The following DNAH9 variants were observed in gnomAD, a reference collection of about 807,000 sequenced individuals.
DNAH9 encodes the protein DNAH9 variant protein.
DNAH9 carries 345 observed loss-of-function variants against 471.6 expected under a neutral mutation model. The ratio of observed to expected loss-of-function variants is 0.73; its 90% CI spans 0.67 to 0.80. The LOEUF (loss-of-function observed/expected upper bound fraction) is 0.80. DNAH9 is among the 30% of genes least tolerant of loss of function. The pLI is 0.00. For missense variants in DNAH9, 5,407 were observed against 5,609.2 expected (o/e 0.96, Z 1.15); for synonymous variants, 2,093 against 2,123.6 (o/e 0.99, Z 0.40).
chr17:11,897,749 A>G (rs1973264985), intron 59 of DNAH9, among the ~76,000 whole-genome samples: 1 of 152,230 alleles, frequency 6.6e-6, no homozygotes, highest in Non-Finnish European at 1.5e-5. Flanking sequence ...TCGTCGTAAT[A>G]CCTTTCTTAG....
intron 68 of DNAH9, among the ~76,000 whole-genome samples, chr17:11,968,910 G>C (rs556572263): frequency 6.6e-6 from 1 of 152,280 alleles, no homozygotes; most frequent in Non-Finnish European, 1.5e-5. Context: ...AAAAGCTAAA[G>C]CATTTACTGG....
At chr17:11,622,860 G>A (rs1486519332) in intron 6 of DNAH9, among the ~76,000 whole-genome samples, 2 of 152,072 alleles carry the variant, frequency 1.3e-5, no homozygotes, top group Admixed American at 6.5e-5. Context: ...GTGTCACCAA[G>A]CTCCCTGCCT....
intron 27 of DNAH9, chr17:11,723,312 G>A (rs545315465): frequency 6.6e-6 from 1 of 152,332 alleles, no homozygotes; most frequent in South Asian, 2.1e-4. Flanking sequence ...GTTACTTCAT[G>A]TCCTTCCTTC....
At chr17:11,818,792 T>C (rs1970201270) in intron 45 of DNAH9, among the ~76,000 whole-genome samples, 1 of 152,024 alleles carries the variant, frequency 6.6e-6, no homozygotes, top group South Asian at 2.1e-4. Context: ...CATTCTTACC[T>C]CCCTCAGTCT....
chr17:11,654,355 C>CAATAAAAAAAAAAAA (rs2073587060), intron 14 of DNAH9, among the ~76,000 whole-genome samples: 1 of 11,258 alleles, frequency 8.9e-5, no homozygotes, highest in African/African-American at 1.2e-4. Flanking sequence ...GACTCCGTCT[C>CAATAAAAAAAAAAAA]AAAAAAAAAA....
intron 68 of DNAH9, among the ~76,000 whole-genome samples, chr17:11,964,861 C>G (rs1034515963): frequency 2.6e-5 from 4 of 151,902 alleles, no homozygotes; most frequent in African/African-American, 4.8e-5. Context: ...CCCACCCCCC[C>G]ACAAAAAAAC....
chr17:11,602,816 A>G (rs528707829), intron 1 of DNAH9, among the ~76,000 whole-genome samples: 3 of 151,812 alleles, frequency 2.0e-5, no homozygotes, highest in African/African-American at 2.4e-5. Context: ...CACCAACCTC[A>G]TTGTCCAATT....
Position 11,732,635 on chromosome 17 carries a change from T to C in DNAH9, c.5814+4713T>C, listed in dbSNP as rs1175858224. Among the ~76,000 whole-genome samples the C allele has an allele frequency of 1.4e-4, 10 of 73,232 alleles. No individual in the cohort carries two copies. In the Admixed American group the frequency reaches 2.1e-3, roughly 15 times the overall value. 48.0% of individuals were successfully genotyped at this position (73,232 alleles called of 152,430 possible). A position where few individuals can be genotyped will look rare whatever the true frequency, so the allele number is the denominator to read the frequency against. On this transcript the variant is annotated intron_variant, in intron 28 of 68. Coordinates refer to ENST00000262442, the MANE Select transcript of DNAH9 (RefSeq NM_001372.4). Reference sequence around the variant, plus strand: ...CATAGCCACTTGGGAAAAACACCAGTGTGTCAATTCCAAAAAAAAATTACT... The same window carrying C: ...CATAGCCACTTGGGAAAAACACCAGCGTGTCAATTCCAAAAAAAAATTACT...
chr17:11,941,576 G>A (rs1450991578), intron 66 of DNAH9, among the ~76,000 whole-genome samples: 2 of 152,120 alleles, frequency 1.3e-5, no homozygotes, highest in African/African-American at 2.4e-5. Flanking sequence ...TTTGTGTGGG[G>A]AAAAGAATCG....
At chr17:11,810,124 C>T in intron 44 of DNAH9, 122 bp from the exon 45 acceptor site, 2 of 1,239,840 alleles carry the variant, frequency 1.6e-6, no homozygotes, top group South Asian at 3.3e-5. Flanking sequence ...TTCCCATTGT[C>T]ACCTTACTTT....
At position 11,962,821 on chromosome 17, in the gene DNAH9, G is replaced by A. The variant is rs1597896203; in HGVS notation, c.13233+565G>A. On this transcript the variant is annotated intron_variant, in intron 68 of 68. Coordinates refer to ENST00000262442, the MANE Select transcript of DNAH9 (RefSeq NM_001372.4). This position sits in a 1 kb window ranked among gnomAD's most constrained non-coding sequence, Gnocchi z 4.1. Reference sequence around the variant, plus strand: ...TTTCCACATTCATGAGCTCTCAAAGGGCAGGAATCTTCTGCCTTTTATGTT... The same window carrying A: ...TTTCCACATTCATGAGCTCTCAAAGAGCAGGAATCTTCTGCCTTTTATGTT... Among the ~76,000 whole-genome samples the A allele has an allele frequency of 6.6e-6, 1 of 152,026 alleles. No individual in the cohort carries two copies. The highest frequency in any genetic ancestry group is 1.5e-5 in the Non-Finnish European group (1 of 68,018).
At position 11,797,691 on chromosome 17, in the gene DNAH9, C is replaced by T; in HGVS notation, c.8318C>T (p.Ser2773Phe). 1 of 1,614,194 alleles carries T rather than the reference C, an allele frequency of 6.2e-7. No individual in the cohort carries two copies. Among genetic ancestry groups the T allele is most frequent in the Non-Finnish European group, 8.5e-7 (1 of 1,180,028 alleles). Reference protein sequence around the residue: ...IGEPKYMPVQSWELLTQTLVE... With the variant: ...IGEPKYMPVQFWELLTQTLVE... ...GAGCCCAAATACATGCCTGTACAGT[C>T]TTGGGAACTTTTGACCCAGACTCTG... Residue 2773 changes from serine to phenylalanine, a missense_variant, in exon 43 of 69, where the codon TCT becomes TTT. Transcript: ENST00000262442.
rs749338008 is a variant in DNAH9 at position 11,598,736 on chromosome 17, G to T, written c.238G>T (p.Gly80Cys). ...GCTGGTGGTGCGGCCCGGGCCCAGG[G>T]GCCTGGCAATACGCCCCGGGCTGGA... Reference protein sequence around the residue: ...PLLVVRPGPRGLAIRPGLEVG... With the variant: ...PLLVVRPGPRCLAIRPGLEVG... Residue 80 changes from glycine to cysteine, a missense_variant, in exon 1 of 69, where the codon GGC becomes TGC. Transcript: ENST00000262442. 2.8e-6 allele frequency: 4 copies of T among 1,408,822 alleles called. No individual in the cohort carries two copies. The Admixed American group carries it at 1.3e-4, about 45-fold the overall frequency. The allele number at this position is 1,408,822 out of a possible 1,614,324, so 87.3% of individuals were successfully genotyped here. A position where few individuals can be genotyped will look rare whatever the true frequency, so the allele number is the denominator to read the frequency against.
At chr17:11,696,217 C>A (rs142447246) in intron 22 of DNAH9, among the ~76,000 whole-genome samples, 1 of 152,174 alleles carries the variant, frequency 6.6e-6, no homozygotes, top group African/African-American at 2.4e-5. Context: ...CTTTCATACA[C>A]AAAAGGTAGC....
intron 61 of DNAH9, among the ~76,000 whole-genome samples, chr17:11,920,031 C>CTTTTTTT (rs1974085176): frequency 8.1e-6 from 1 of 123,300 alleles, no homozygotes; most frequent in Non-Finnish European, 1.7e-5. Flanking sequence ...GAGCTAAGTT[C>CTTTTTTT]TTTCTTTTTT....
At chr17:11,648,117 A>C (rs2073429631) in intron 12 of DNAH9, among the ~76,000 whole-genome samples, 2 of 152,188 alleles carry the variant, frequency 1.3e-5, no homozygotes, top group Admixed American at 1.3e-4. Context: ...AATATTACTC[A>C]GGTTGAAAAA....
rs765773823 is a variant in DNAH9 at position 11,640,381 on chromosome 17, A to G, written c.1898A>G (p.His633Arg). 1.2e-5 allele frequency: 19 copies of G among 1,592,788 alleles called. No individual in the cohort carries two copies. In the South Asian group the frequency reaches 1.9e-4, roughly 16 times the overall value. The change falls in exon 10 of 69, where the codon CAC (histidine) becomes CGC (arginine). Residue 633 changes from histidine (H) to arginine (R), a missense_variant. Coordinates refer to ENST00000262442, the MANE Select transcript of DNAH9 (RefSeq NM_001372.4). Reference protein sequence around the residue: ...GPFSNFGRITHPCMESAEGKR... With the variant: ...GPFSNFGRITRPCMESAEGKR... The stretch of plus-strand genomic sequence containing the variant: ...TTCAGCAACTTTGGACGCATCACAC[A>G]CCCGTGAGTATTGTGTTCCTGAAAG...
At chr17:11,603,127 C>T (rs535991119) in intron 1 of DNAH9, among the ~76,000 whole-genome samples, 2 of 152,262 alleles carry the variant, frequency 1.3e-5, no homozygotes, top group East Asian at 3.9e-4. Flanking sequence ...CATACCTGCA[C>T]CCATTAAATT....
chr17:11,920,238 G>A (rs1974093872), intron 61 of DNAH9, among the ~76,000 whole-genome samples: 1 of 151,712 alleles, frequency 6.6e-6, no homozygotes, highest in African/African-American at 2.4e-5. Context: ...GTTTCTCCAT[G>A]TTGGTGAGGC....
Sources: gnomAD v4.1 joint callset for allele counts (sites outside exome capture counted in the v4.1 genomes callset) on GRCh38, gnomAD v4.1.1 for gene constraint, Gnocchi (gnomAD v3.1) non-coding constraint, MANE v1.5 for transcripts, NCBI Gene and HGNC (gene_info 2026-07-23, HGNC 2026-07-21) for gene names.